Variants in TAFA1 observed in about 807,000 individuals in gnomAD.
TAFA1 encodes chemokine-like protein TAFA-1.
In TAFA1, 4 loss-of-function variants were observed where a neutral mutation model predicts 18.5. The ratio of observed to expected loss-of-function variants is 0.22; its 90% confidence interval spans 0.11 to 0.49. The LOEUF (loss-of-function observed/expected upper bound fraction) is 0.49, where lower values mean the gene tolerates loss of function less well. Ranked by LOEUF, TAFA1 falls within the 20% of genes least tolerant of loss-of-function variation. TAFA1 has a pLI of 0.98. For missense variants in TAFA1, 147 were observed against 169.0 expected, an observed-to-expected ratio of 0.87 and a Z score of 0.72; for synonymous variants, 56 against 55.2, an observed-to-expected ratio of 1.01 and a Z score of -0.06.
chr3:68,342,537 A>T (rs1246208185), intron 2 of TAFA1, among the ~76,000 whole-genome samples: 1 of 152,238 alleles, frequency 6.6e-6, no homozygotes, highest in Admixed American at 6.5e-5. Context: ...CTTAATTGTG[A>T]TACCTAAAGT....
chr3:68,515,769 ATCT>A (rs1374684874), intron 3 of TAFA1, among the ~76,000 whole-genome samples: 4 of 152,202 alleles, frequency 2.6e-5, no homozygotes, highest in African/African-American at 7.2e-5. Context: ...GATAATAATG[ATCT>A]TCTTCCCAGG....
intron 2 of TAFA1, among the ~76,000 whole-genome samples, chr3:68,287,081 A>G (rs553547299): frequency 6.6e-6 from 1 of 152,314 alleles, no homozygotes; most frequent in African/African-American, 2.4e-5. Context: ...ATCAGCTTTC[A>G]TATTTCCTGG....
At chr3:68,321,479 G>GC (rs1355719415) in intron 2 of TAFA1, among the ~76,000 whole-genome samples, 4 of 152,198 alleles carry the variant, frequency 2.6e-5, no homozygotes, top group Non-Finnish European at 5.9e-5. Context: ...TTGTAAATAT[G>GC]TAAGAACCAA....
intron 2 of TAFA1, among the ~76,000 whole-genome samples, chr3:68,099,071 A>C (rs1479410661): frequency 6.6e-6 from 1 of 152,314 alleles, no homozygotes; most frequent in Admixed American, 6.5e-5. Context: ...AAACTTAGGA[A>C]ATAGCATTCT....
At chr3:68,141,808 T>C (rs575414376) in intron 2 of TAFA1, among the ~76,000 whole-genome samples, 1 of 152,318 alleles carries the variant, frequency 6.6e-6, no homozygotes, top group South Asian at 2.1e-4. Context: ...GGCTTGAAGC[T>C]TTCCACTGCG....
chr3:68,020,024 T>G (rs950377336), intron 2 of TAFA1, among the ~76,000 whole-genome samples: 2 of 152,198 alleles, frequency 1.3e-5, no homozygotes, highest in Admixed American at 6.5e-5. Flanking sequence ...ATAACTCCTC[T>G]TAGAAGAATC....
At chr3:68,204,534 T>G (rs1415950425) in intron 2 of TAFA1, among the ~76,000 whole-genome samples, 1 of 151,828 alleles carries the variant, frequency 6.6e-6, no homozygotes, top group Admixed American at 6.6e-5. Flanking sequence ...GGAAGGGATT[T>G]TTTTATAGAT....
intron 2 of TAFA1, among the ~76,000 whole-genome samples, chr3:68,203,079 A>G (rs1474492311): frequency 6.6e-6 from 1 of 151,746 alleles, no homozygotes; most frequent in Non-Finnish European, 1.5e-5. Context: ...ACAAAAATCT[A>G]CACTTCTGTT....
chr3:68,051,108 A>C (rs1455827263), intron 2 of TAFA1, among the ~76,000 whole-genome samples: 1 of 96,864 alleles, frequency 1.0e-5, no homozygotes, highest in Non-Finnish European at 2.1e-5. Flanking sequence ...CAGTTTTCTC[A>C]TCTAAAATAG....
chr3:68,075,181 C>T (rs1382328802), intron 2 of TAFA1, among the ~76,000 whole-genome samples: 1 of 152,202 alleles, frequency 6.6e-6, no homozygotes. Context: ...GTACAGGTGG[C>T]ATAGTGATTG....
intron 2 of TAFA1, among the ~76,000 whole-genome samples, chr3:68,309,230 G>A (rs1004165208): frequency 3.9e-5 from 6 of 152,094 alleles, no homozygotes; most frequent in East Asian, 1.9e-4. Context: ...CAAAGCATAC[G>A]ATAGGTGTCC....
intron 2 of TAFA1, among the ~76,000 whole-genome samples, chr3:68,320,270 A>G (rs1335016247): frequency 6.6e-6 from 1 of 152,180 alleles, no homozygotes; most frequent in East Asian, 1.9e-4. Context: ...GCTTCCTTGT[A>G]TCTTCCCCTC....
chr3:68,099,333 G>T (rs943545084), intron 2 of TAFA1, among the ~76,000 whole-genome samples: 2 of 152,068 alleles, frequency 1.3e-5, no homozygotes, highest in Non-Finnish European at 2.9e-5. Flanking sequence ...CCGTTTAAAA[G>T]TGGGAAAAGG....
intron 2 of TAFA1, among the ~76,000 whole-genome samples, chr3:68,259,145 T>A (rs890852193): frequency 6.6e-6 from 1 of 152,166 alleles, no homozygotes; most frequent in African/African-American, 2.4e-5. Context: ...TGTGGGTCTT[T>A]GGGACTGCAT....
chr3:68,320,641 G>A (rs1377172392), intron 2 of TAFA1, among the ~76,000 whole-genome samples: 1 of 152,160 alleles, frequency 6.6e-6, no homozygotes, highest in Non-Finnish European at 1.5e-5. Context: ...CAGGGCCAGA[G>A]GTGGCTCCCT....
intron 3 of TAFA1, among the ~76,000 whole-genome samples, chr3:68,457,969 G>A (rs1253925662): frequency 6.6e-6 from 1 of 152,138 alleles, no homozygotes; most frequent in African/African-American, 2.4e-5. Flanking sequence ...TATCACTCAT[G>A]GGTAAGCTCA....
At chr3:68,382,933 G>T (rs2070006384) in intron 2 of TAFA1, among the ~76,000 whole-genome samples, 1 of 152,098 alleles carries the variant, frequency 6.6e-6, no homozygotes, top group Admixed American at 6.6e-5. Context: ...TCTCTGGTTA[G>T]CTGTATTCCC....
chr3:68,135,503 G>C (rs1037540158), intron 2 of TAFA1, among the ~76,000 whole-genome samples: 2 of 152,266 alleles, frequency 1.3e-5, no homozygotes, highest in South Asian at 2.1e-4. Flanking sequence ...AAACCCCCAG[G>C]TTGGCTCTAG....
At chr3:68,320,366 G>C (rs770279038) in intron 2 of TAFA1, among the ~76,000 whole-genome samples, 9 of 152,168 alleles carry the variant, frequency 5.9e-5, no homozygotes, top group Non-Finnish European at 1.0e-4. Context: ...CTCTGGGCAA[G>C]GAGAGGCTGC....
Sources: gnomAD v4.1 joint callset for allele counts (sites outside exome capture counted in the v4.1 genomes callset) on GRCh38, gnomAD v4.1.1 for gene constraint, MANE v1.5 for transcripts, NCBI Gene and HGNC (gene_info 2026-07-23, HGNC 2026-07-21) for gene names.